The following SUSD6 variants were observed in gnomAD, a reference collection of about 807,000 sequenced individuals.
SUSD6 encodes the protein sushi domain containing 6.
SUSD6 carries 16 observed loss-of-function variants against 28.4 expected under a neutral mutation model. The observed-to-expected ratio is 0.56, with a 90% CI of 0.38 to 0.86. The LOEUF is 0.86. SUSD6 is among the 40% of genes least tolerant of loss of function. The probability of loss-of-function intolerance (pLI) is 0.00; values close to 1 mark genes in which losing one functional copy is unlikely to be tolerated. For missense variants in SUSD6, 341 were observed against 384.2 expected, an observed-to-expected ratio of 0.89 and a Z score of 0.94; for synonymous variants, 147 against 159.6, an observed-to-expected ratio of 0.92 and a Z score of 0.59.
intron 1 of SUSD6, among the ~76,000 whole-genome samples, chr14:69,633,998 A>G (rs1174597417): frequency 6.6e-6 from 1 of 152,254 alleles, no homozygotes; most frequent in Non-Finnish European, 1.5e-5. Flanking sequence ...TCTGGTGACC[A>G]AGACCTGAGA....
chr14:69,689,332 T>G (rs901074198), intron 2 of SUSD6, among the ~76,000 whole-genome samples: 11 of 152,216 alleles, frequency 7.2e-5, no homozygotes, highest in Non-Finnish European at 5.9e-5. Flanking sequence ...GCCACAGTGC[T>G]TTTGGTACTT....
At chr14:69,682,717 G>A (rs6573900) in intron 2 of SUSD6, among the ~76,000 whole-genome samples, 139,016 of 152,200 alleles carry the variant, frequency 0.91, 63,690 homozygotes, top group African/African-American at 0.98. Flanking sequence ...AAGAGAAAGT[G>A]GGAGGGTGGA....
At chr14:69,668,613 C>CAACAGAGTGA (rs1397430001) in intron 2 of SUSD6, among the ~76,000 whole-genome samples, 1 of 126,558 alleles carries the variant, frequency 7.9e-6, no homozygotes, top group African/African-American at 2.9e-5. Flanking sequence ...CCAGCCTGGG[C>CAACAGAGTGA]AATAAGAGCA....
At chr14:69,704,061 T>C (rs544066148) in intron 3 of SUSD6, among the ~76,000 whole-genome samples, 1 of 152,324 alleles carries the variant, frequency 6.6e-6, no homozygotes, top group South Asian at 2.1e-4. Context: ...ATAACCATCT[T>C]TGTGCTTCCC....
chr14:69,651,099 T>C (rs547780900), intron 1 of SUSD6, among the ~76,000 whole-genome samples: 3 of 152,308 alleles, frequency 2.0e-5, no homozygotes, highest in African/African-American at 7.2e-5. Context: ...CCTTTGGGGA[T>C]CATCCAGGTT....
intron 1 of SUSD6, among the ~76,000 whole-genome samples, chr14:69,649,891 G>A (rs927680366): frequency 6.6e-6 from 1 of 152,186 alleles, no homozygotes; most frequent in African/African-American, 2.4e-5. Context: ...GAGGAGGAAA[G>A]ACTTCCAGGC....
intron 1 of SUSD6, among the ~76,000 whole-genome samples, chr14:69,651,111 A>G (rs1331664020): frequency 6.6e-6 from 1 of 152,152 alleles, no homozygotes; most frequent in Non-Finnish European, 1.5e-5. Context: ...ATCCAGGTTC[A>G]CCCCTGAGAC....
chr14:69,707,852 G>T (rs1886407321), intron 4 of SUSD6, among the ~76,000 whole-genome samples: 1 of 152,194 alleles, frequency 6.6e-6, no homozygotes, highest in Admixed American at 6.5e-5. Context: ...AAAAAGCAAA[G>T]AAATGATTTT....
chr14:69,658,055 C>T (rs67474644), intron 1 of SUSD6, among the ~76,000 whole-genome samples: 588 of 152,382 alleles, frequency 3.9e-3, no homozygotes, highest in Non-Finnish European at 7.4e-3. Context: ...CCTCAGCTCC[C>T]ACTGCTGCAT....
At chr14:69,677,585 G>T (rs1262027129) in intron 2 of SUSD6, among the ~76,000 whole-genome samples, 3 of 147,614 alleles carry the variant, frequency 2.0e-5, no homozygotes, top group Non-Finnish European at 4.5e-5. Context: ...TTACAGACCT[G>T]TTTGGTAGCT....
intron 1 of SUSD6, among the ~76,000 whole-genome samples, chr14:69,625,711 A>T (rs1885104613): frequency 6.6e-6 from 1 of 151,930 alleles, no homozygotes; most frequent in Admixed American, 6.6e-5. Context: ...TCAAAAGGAG[A>T]GGCTTGTTTC....
At chr14:69,706,294 T>C (rs180893807) in intron 4 of SUSD6, among the ~76,000 whole-genome samples, 1 of 152,262 alleles carries the variant, frequency 6.6e-6, no homozygotes, top group East Asian at 1.9e-4. Context: ...AACTTGTAAG[T>C]TTGTTAAAAG....
At chr14:69,677,316 C>T (rs1447403450) in intron 2 of SUSD6, among the ~76,000 whole-genome samples, 2 of 152,110 alleles carry the variant, frequency 1.3e-5, no homozygotes, top group Non-Finnish European at 2.9e-5. Flanking sequence ...GAGGCCGAGG[C>T]GGGTGGATCA....
chr14:69,636,234 A>G (rs961503595), intron 1 of SUSD6, among the ~76,000 whole-genome samples: 2 of 152,222 alleles, frequency 1.3e-5, no homozygotes, highest in Non-Finnish European at 2.9e-5. Flanking sequence ...TAGAACCACA[A>G]TAGAGCAAGT....
At chr14:69,639,388 A>G (rs1044964969) in intron 1 of SUSD6, among the ~76,000 whole-genome samples, 2 of 151,942 alleles carry the variant, frequency 1.3e-5, no homozygotes, top group Non-Finnish European at 2.9e-5. Context: ...GAGCTGAAAG[A>G]ACTTTTACTC....
intron 2 of SUSD6, among the ~76,000 whole-genome samples, chr14:69,660,255 TTTTTTC>T (rs1388373438): frequency 6.6e-6 from 1 of 152,266 alleles, no homozygotes; most frequent in Non-Finnish European, 1.5e-5. Flanking sequence ...AGCTAATCTT[TTTTTTC>T]TTTTCTTTTC....
intron 1 of SUSD6, among the ~76,000 whole-genome samples, chr14:69,629,907 G>T (rs1885169457): frequency 6.6e-6 from 1 of 152,178 alleles, no homozygotes; most frequent in African/African-American, 2.4e-5. Context: ...GGTTGAACCA[G>T]TTCCTATTCT....
intron 1 of SUSD6, among the ~76,000 whole-genome samples, chr14:69,625,171 GCTT>G (rs1885096938): frequency 6.6e-6 from 1 of 152,170 alleles, no homozygotes; most frequent in African/African-American, 2.4e-5. Context: ...TTAAGCTCCA[GCTT>G]CTTTAACTGA....
chr14:69,659,468 G>A (rs749089406), intron 2 of SUSD6, among the ~76,000 whole-genome samples: 4 of 152,192 alleles, frequency 2.6e-5, no homozygotes, highest in Non-Finnish European at 4.4e-5. Context: ...TGAGCTGGAC[G>A]GGCCCTAGCA....
Sources: gnomAD v4.1 joint callset for allele counts (sites outside exome capture counted in the v4.1 genomes callset) on GRCh38, gnomAD v4.1.1 for gene constraint, MANE v1.5 for transcripts, NCBI Gene and HGNC (gene_info 2026-07-23, HGNC 2026-07-21) for gene names.